Variants in LRRC37A2 observed in about 807,000 individuals in gnomAD.
LRRC37A2 encodes leucine-rich repeat-containing protein 37A2.
A neutral mutation model predicts 68.8 loss-of-function variants in LRRC37A2; 9 were observed. The ratio of observed to expected loss-of-function variants is 0.13; its 90% CI spans 0.08 to 0.23. The LOEUF (loss-of-function observed/expected upper bound fraction) is 0.23. Ranked by LOEUF, LRRC37A2 falls within the 10% of genes least tolerant of loss-of-function variation. The pLI, the probability that LRRC37A2 is intolerant of heterozygous loss-of-function variation, is 1.00. For synonymous variants in LRRC37A2, 63 were observed against 367.6 expected (o/e 0.17, Z 9.48); for missense variants, 168 against 950.4 (o/e 0.18, Z 10.82).
chr17:46,794,169 G>C, the LRRC37A2 span, among the ~76,000 whole-genome samples: 1 of 151,956 alleles, frequency 6.6e-6, no homozygotes, highest in Admixed American at 6.6e-5. Context: ...AGGGGTGGGG[G>C]TGGATAAACC....
chr17:47,000,126 TAAA>T, the LRRC37A2 span, among the ~76,000 whole-genome samples: 1 of 120,832 alleles, frequency 8.3e-6, no homozygotes, highest in African/African-American at 2.9e-5. Context: ...TAAAATAAAA[TAAA>T]ATAAAATAGT....
chr17:46,803,286 C>A, the LRRC37A2 span, among the ~76,000 whole-genome samples: 130 of 152,348 alleles, frequency 8.5e-4, 1 homozygote, highest in South Asian at 0.012. Flanking sequence ...GTAATCCCAG[C>A]ACTTTCGGAG....
the LRRC37A2 span, among the ~76,000 whole-genome samples, chr17:46,908,451 T>C: frequency 1.3e-3 from 201 of 152,282 alleles, no homozygotes; most frequent in African/African-American, 4.5e-3. Flanking sequence ...CCTGACTGCC[T>C]GGCCTCCGAG....
the LRRC37A2 span, among the ~76,000 whole-genome samples, chr17:46,967,210 G>T: frequency 6.6e-6 from 1 of 152,234 alleles, no homozygotes; most frequent in Non-Finnish European, 1.5e-5. Flanking sequence ...TCCTGGTTTG[G>T]AGTGTGAGCT....
the LRRC37A2 span, among the ~76,000 whole-genome samples, chr17:47,011,342 A>G: frequency 6.6e-6 from 1 of 152,078 alleles, no homozygotes; most frequent in Non-Finnish European, 1.5e-5. Context: ...TGAGATCAGG[A>G]GTTTGAGACC....
chr17:46,533,914 A>G (rs1372988681), intron 6 of LRRC37A2, among the ~76,000 whole-genome samples: 1 of 113,544 alleles, frequency 8.8e-6, no homozygotes, highest in Non-Finnish European at 1.7e-5. Context: ...TTTCTCTTCA[A>G]TTTCAAAGGT....
the LRRC37A2 span, among the ~76,000 whole-genome samples, chr17:46,840,973 G>C: frequency 2.6e-5 from 4 of 152,184 alleles, no homozygotes; most frequent in East Asian, 7.7e-4. Context: ...AGCCGGTTCT[G>C]TTTCCAACTG....
At chr17:46,721,905 T>A in the LRRC37A2 span, 9 of 1,590,792 alleles carry the variant, frequency 5.7e-6, no homozygotes, top group Admixed American at 1.3e-4. Context: ...TGCTTCCCAC[T>A]GAACTTTTTC....
chr17:46,921,341 T>A, the LRRC37A2 span: 1 of 152,184 alleles, frequency 6.6e-6, no homozygotes, highest in African/African-American at 2.4e-5. Flanking sequence ...TCAAGATGGA[T>A]TAAAGACTTA....
chr17:47,027,163 G>A, the LRRC37A2 span, among the ~76,000 whole-genome samples: 4 of 151,960 alleles, frequency 2.6e-5, no homozygotes, highest in South Asian at 2.1e-4. Context: ...TGCCAGCCTC[G>A]GCCTCCGAAA....
At chr17:46,923,280 C>A in the LRRC37A2 span, 4 of 1,549,896 alleles carry the variant, frequency 2.6e-6, no homozygotes, top group Non-Finnish European at 3.5e-6. Flanking sequence ...GTGAGCCTGG[C>A]TTCTGGGGCT....
the LRRC37A2 span, among the ~76,000 whole-genome samples, chr17:46,779,103 A>ACACACACACACACCC: frequency 6.7e-5 from 9 of 133,662 alleles, 1 homozygote; most frequent in East Asian, 2.6e-4. Flanking sequence ...ACACACACAC[A>ACACACACACACACCC]CCCCAGCCCA....
At chr17:46,898,301 A>G in the LRRC37A2 span, among the ~76,000 whole-genome samples, 3 of 147,270 alleles carry the variant, frequency 2.0e-5, no homozygotes, top group Non-Finnish European at 4.4e-5. Flanking sequence ...CATGCACAGA[A>G]AAAGTTCCAA....
the LRRC37A2 span, among the ~76,000 whole-genome samples, chr17:46,944,853 G>C: frequency 6.6e-6 from 1 of 152,102 alleles, no homozygotes; most frequent in East Asian, 1.9e-4. Context: ...ACCCACCTCG[G>C]CCTCCCAAAG....
chr17:46,854,254 C>T, the LRRC37A2 span, among the ~76,000 whole-genome samples: 3 of 152,206 alleles, frequency 2.0e-5, no homozygotes, highest in East Asian at 1.9e-4. Flanking sequence ...CATCTGCATT[C>T]GCTGTCTGGG....
chr17:46,934,901 G>A, the LRRC37A2 span: 1 of 816,970 alleles, frequency 1.2e-6, no homozygotes. Context: ...TTATCCATTA[G>A]GGTCCGCTGA....
the LRRC37A2 span, among the ~76,000 whole-genome samples, chr17:46,814,842 T>C: frequency 2.0e-5 from 3 of 152,264 alleles, no homozygotes; most frequent in Admixed American, 1.3e-4. Flanking sequence ...CAGCAGGACA[T>C]CTGACAGATG....
chr17:46,876,902 A>C, the LRRC37A2 span: 2 of 1,367,222 alleles, frequency 1.5e-6, no homozygotes. Flanking sequence ...CTCGATACTC[A>C]ACAAAGAGAA....
At chr17:46,932,447 A>ACC in the LRRC37A2 span, 1 of 601,704 alleles carries the variant, frequency 1.7e-6, no homozygotes, top group Non-Finnish European at 2.9e-6. Flanking sequence ...GGTGAAAATT[A>ACC]CCTGGTTGGG....
Sources: gnomAD v4.1 joint callset for allele counts (sites outside exome capture counted in the v4.1 genomes callset) on GRCh38, gnomAD v4.1.1 for gene constraint, MANE v1.5 for transcripts, NCBI Gene and HGNC (gene_info 2026-07-23, HGNC 2026-07-21) for gene names.